Variants in CUX1 observed in about 807,000 individuals in gnomAD.
The protein encoded by CUX1 is protein CASP.
A neutral mutation model predicts 158.8 loss-of-function variants in CUX1; 31 were observed. That is an observed-to-expected ratio of 0.20 (90% CI 0.15 to 0.26). The LOEUF is 0.26. Ranked by LOEUF, CUX1 falls within the 10% of genes least tolerant of loss-of-function variation. CUX1 has a pLI of 1.00. For synonymous variants in CUX1, 879 were observed against 862.1 expected (o/e 1.02, Z -0.34); for missense variants, 1,589 against 2,014.6 (o/e 0.79, Z 4.04).
intron 2 of CUX1, among the ~76,000 whole-genome samples, chr7:101,923,941 T>C (rs1481768017): frequency 6.6e-6 from 1 of 152,234 alleles, no homozygotes; most frequent in Non-Finnish European, 1.5e-5. Flanking sequence ...ATTTCTGTGT[T>C]CCCGGGTAGC....
chr7:102,109,737 C>G (rs1268440937), intron 6 of CUX1, among the ~76,000 whole-genome samples: 3 of 150,970 alleles, frequency 2.0e-5, no homozygotes, highest in African/African-American at 7.3e-5. Context: ...CAGCCGAGAT[C>G]ATGCCATTGC....
chr7:102,201,811 C>G lies in CUX1; in HGVS notation c.2514C>G (p.Ser838=), dbSNP rs781947787. ...CGGAGAGAAGAAATGCCGCCTCCTC[C>G]GAGGAGGCCAAGGCCGAAGAAACGG... ...VQPERRNAAS[S]EEAKAEETGG... Residue 838 remains serine, a synonymous_variant, in exon 18 of 24, where the codon TCC becomes TCG. Transcript: ENST00000292535. The surrounding 1 kb of genome is among the most constrained non-coding windows in gnomAD (Gnocchi z 5.0). The G allele has an allele frequency of 2.5e-6, 4 of 1,612,944 alleles. No individual in the cohort carries two copies. The highest frequency in any genetic ancestry group is 3.4e-6 in the Non-Finnish European group (4 of 1,179,902).
At chr7:101,842,911 C>T (rs868092062) in intron 1 of CUX1, among the ~76,000 whole-genome samples, 5 of 126,500 alleles carry the variant, frequency 4.0e-5, no homozygotes, top group Non-Finnish European at 6.3e-5. Flanking sequence ...CTCTCTCTGT[C>T]GCCCAGGCTG....
At chr7:102,233,273 C>A (rs1421916941) in intron 21 of CUX1, among the ~76,000 whole-genome samples, 1 of 151,150 alleles carries the variant, frequency 6.6e-6, no homozygotes, top group Non-Finnish European at 1.5e-5. Flanking sequence ...GCAGTCTCAA[C>A]CTCCTGGGCT....
At chr7:102,168,857 CA>C (rs1421888140) in intron 9 of CUX1, among the ~76,000 whole-genome samples, 1 of 151,388 alleles carries the variant, frequency 6.6e-6, no homozygotes, top group East Asian at 1.9e-4. Context: ...AAATAAAACA[CA>C]CGATGGAGAC....
chr7:101,836,228 G>A (rs1013755350), intron 1 of CUX1, among the ~76,000 whole-genome samples: 9 of 152,118 alleles, frequency 5.9e-5, no homozygotes, highest in African/African-American at 1.9e-4. Context: ...CACCCAGCCC[G>A]TTCCATCTCT....
rs764730772 is a variant in CUX1, at chr7:102,250,973, TA to T, written c.*1932del. 157 of 956,006 alleles carry T rather than the reference TA, an allele frequency of 1.6e-4. 1 individual carries two copies. Among genetic ancestry groups the T allele is most frequent in the Admixed American group, 9.3e-4 (15 of 16,208 alleles). The allele number at this position is 956,006 out of a possible 1,614,324, so 59.2% of individuals were successfully genotyped here. A position where few individuals can be genotyped will look rare whatever the true frequency, so the allele number is the denominator to read the frequency against. On this transcript the variant is annotated 3_prime_UTR_variant, in exon 24 of 24. Coordinates refer to ENST00000292535, the MANE Select transcript of CUX1 (RefSeq NM_181552.4). ...AATAGATGATTTCGGTATATATATA[TA>T]TTTTTTTTTGCTTATTTATAGGTGC...
chr7:101,857,915 G>C lies in CUX1; in HGVS notation c.30+40246G>C, dbSNP rs1447680642. 5.3e-5 allele frequency among the ~76,000 whole-genome samples: 8 copies of C among 152,306 alleles called. No individual in the cohort carries two copies. The East Asian group carries it at 1.5e-3, about 29-fold the overall frequency. ...AAGTGGGAGGATCACTTGAGGTCAG[G>C]AGTTCAAGACCAGCCTGGCCAACAT... On this transcript the variant is annotated intron_variant, in intron 1 of 23. Coordinates refer to ENST00000292535, the MANE Select transcript of CUX1 (RefSeq NM_181552.4).
intron 3 of CUX1, among the ~76,000 whole-genome samples, chr7:102,036,804 T>C (rs1821480940): frequency 6.7e-6 from 1 of 150,368 alleles, no homozygotes; most frequent in South Asian, 2.1e-4. Context: ...TGCATATATA[T>C]AGAAGCTGAA....
intron 1 of CUX1, among the ~76,000 whole-genome samples, chr7:101,878,847 T>G (rs1799428148): frequency 6.6e-6 from 1 of 152,030 alleles, no homozygotes; most frequent in African/African-American, 2.4e-5. Flanking sequence ...CAATTTTGTA[T>G]TTTTAGTAGA....
At chr7:102,090,449 G>A (rs543893967) in intron 4 of CUX1, among the ~76,000 whole-genome samples, 115 of 151,322 alleles carry the variant, frequency 7.6e-4, no homozygotes, top group Non-Finnish European at 1.2e-3. Context: ...GTGCAGTGGC[G>A]CAATCTCAGC....
chr7:101,999,989 G>A (rs1199831360), intron 2 of CUX1, among the ~76,000 whole-genome samples: 1 of 152,188 alleles, frequency 6.6e-6, no homozygotes, highest in Non-Finnish European at 1.5e-5. Context: ...CGCCAAGGCA[G>A]GAGGATCACC....
At chr7:101,990,073 G>T (rs911681618) in intron 2 of CUX1, among the ~76,000 whole-genome samples, 2 of 152,176 alleles carry the variant, frequency 1.3e-5, no homozygotes, top group African/African-American at 4.8e-5. Flanking sequence ...CAAATAAGAG[G>T]CATGGGCGGG....
chr7:102,063,555 A>G (rs1345846373), intron 3 of CUX1, among the ~76,000 whole-genome samples: 1 of 151,800 alleles, frequency 6.6e-6, no homozygotes, highest in African/African-American at 2.4e-5. Context: ...CACCCAGCTA[A>G]TTTTTATAGT....
intron 1 of CUX1, among the ~76,000 whole-genome samples, chr7:101,882,704 C>T (rs777539092): frequency 1.4e-4 from 21 of 152,258 alleles, no homozygotes; most frequent in Non-Finnish European, 1.9e-4. Context: ...TGTTGATGTA[C>T]ATGTTTCCAG....
intron 3 of CUX1, among the ~76,000 whole-genome samples, chr7:102,046,098 T>C (rs903295873): frequency 6.6e-6 from 1 of 152,230 alleles, no homozygotes; most frequent in Non-Finnish European, 1.5e-5. Context: ...TGTGGCAAAG[T>C]TGACTCAAAA....
At chr7:102,281,274 G>A (rs1792041809) in intron 20 of CUX1, among the ~76,000 whole-genome samples, 2 of 152,130 alleles carry the variant, frequency 1.3e-5, no homozygotes, top group Admixed American at 6.5e-5. Context: ...GGAGGCTGAC[G>A]GAGGAGGATC....
chr7:102,267,832 A>G (rs115472321), intron 14 of CUX1, among the ~76,000 whole-genome samples: 2 of 152,018 alleles, frequency 1.3e-5, no homozygotes, highest in African/African-American at 4.8e-5. Context: ...ATGCCCGGCT[A>G]AGTTTTGTAT....
At chr7:102,084,858 C>CTTTTTTTTTTTTTTTTTTT (rs60908109) in intron 4 of CUX1, among the ~76,000 whole-genome samples, 1 of 56,054 alleles carries the variant, frequency 1.8e-5, no homozygotes, top group African/African-American at 6.6e-5. Context: ...ATTTTCCTTG[C>CTTTTTTTTTTTTTTTTTTT]TTTTTTTTTT....
Sources: allele counts gnomAD v4.1 joint callset (sites outside exome capture counted in the v4.1 genomes callset), GRCh38; gene constraint gnomAD v4.1.1; non-coding constraint Gnocchi (gnomAD v3.1); transcripts MANE v1.5; gene names NCBI Gene and HGNC (gene_info 2026-07-23, HGNC 2026-07-21).